Variants in ZEB2 observed in about 807,000 individuals in gnomAD.
ZEB2 encodes the protein zinc finger E-box binding homeobox 2.
In ZEB2, 6 loss-of-function variants were observed where a neutral mutation model predicts 99.9. The observed-to-expected ratio is 0.06, with a 90% CI of 0.03 to 0.12. The LOEUF is 0.12. ZEB2 is among the 10% of genes least tolerant of loss of function. ZEB2 has a pLI of 1.00. For synonymous variants in ZEB2, 517 were observed against 542.5 expected (o/e 0.95, Z 0.65); for missense variants, 969 against 1,502.8 (o/e 0.64, Z 5.87).
chr2:144,399,861 C>G lies in ZEB2; in HGVS notation c.1326G>C (p.Gly442=), dbSNP rs771057036. The change falls in exon 8 of 10, where the codon GGG becomes GGC. Residue 442 remains glycine, a synonymous_variant. Transcript: ENST00000627532. The surrounding 1 kb of genome is among the most constrained non-coding windows in gnomAD (Gnocchi z 5.6). ...GAAACCCAAGTAAAGGGGCTTCCATCCCTACACCTAAGTGCTGCATTGGAC... is the reference window on the plus strand; with the variant it reads ...GAAACCCAAGTAAAGGGGCTTCCATGCCTACACCTAAGTGCTGCATTGGAC... ...AQSPMQHLGV[G]MEAPLLGFPT... The G allele has an allele frequency of 3.1e-6, 5 of 1,614,220 alleles. No homozygotes were observed. In the South Asian group the frequency reaches 5.5e-5, roughly 18 times the overall value.
chr2:144,395,505 T>A (rs906760759), intron 9 of ZEB2, among the ~76,000 whole-genome samples: 1 of 151,894 alleles, frequency 6.6e-6, no homozygotes, highest in African/African-American at 2.4e-5. Context: ...GATCCTACAC[T>A]TTTTCCCCCC....
At chr2:144,512,168 A>C in intron 2 of ZEB2, 8 of 1,287,266 alleles carry the variant, frequency 6.2e-6, no homozygotes, top group Non-Finnish European at 8.1e-6. Context: ...ATTGTCTGTG[A>C]GCATTGCAAA....
chr2:144,494,384 C>T (rs1573799661), intron 2 of ZEB2: 1 of 152,120 alleles, frequency 6.6e-6, no homozygotes, highest in Non-Finnish European at 1.5e-5. Context: ...TGCTTATTAT[C>T]TGTATCTATT....
intron 2 of ZEB2, among the ~76,000 whole-genome samples, chr2:144,466,834 T>C (rs2149907295): frequency 6.6e-6 from 1 of 152,284 alleles, no homozygotes; most frequent in Non-Finnish European, 1.5e-5. Context: ...CCACATTACA[T>C]GAGTCCGAAA....
chr2:144,478,215 T>A (rs932720600), intron 2 of ZEB2, among the ~76,000 whole-genome samples: 1 of 152,196 alleles, frequency 6.6e-6, no homozygotes, highest in Non-Finnish European at 1.5e-5. Flanking sequence ...AGGGCCTAGG[T>A]AATTACTTGA....
intron 2 of ZEB2, chr2:144,450,431 A>T (rs1371239151): frequency 6.6e-6 from 1 of 152,222 alleles, no homozygotes; most frequent in Non-Finnish European, 1.5e-5. Flanking sequence ...CTTACATAAA[A>T]ATAAATTATC....
chr2:144,484,672 C>T (rs72992189), intron 2 of ZEB2, among the ~76,000 whole-genome samples: 27 of 152,278 alleles, frequency 1.8e-4, no homozygotes, highest in African/African-American at 6.3e-4. Context: ...TCCTTCCTGG[C>T]AACCTTCCTG....
rs1389651581 is a variant in ZEB2 at position 144,386,926 on chromosome 2, C to T, written c.*2525G>A. ...CATTTTGATGCCACTCCTCCCCCTG[C>T]CCCCCCCACCCCCTCTGCCAGAAAG... On this transcript the variant is annotated 3_prime_UTR_variant, in exon 10 of 10. Transcript: ENST00000627532. 3 of 126,808 alleles carry T rather than the reference C, an allele frequency of 2.4e-5. No homozygotes were observed. Among genetic ancestry groups the T allele is most frequent in the South Asian group, 3.1e-4 (1 of 3,186 alleles). 7.9% of individuals were successfully genotyped at this position (126,808 alleles called of 1,614,324 possible). A position where few individuals can be genotyped will look rare whatever the true frequency, so the allele number is the denominator to read the frequency against.
intron 2 of ZEB2, among the ~76,000 whole-genome samples, chr2:144,440,511 ATATATTTTTTTTTTTTT>A (rs1438350825): frequency 6.6e-4 from 20 of 30,256 alleles, no homozygotes; most frequent in East Asian, 2.0e-3. Context: ...ATATATATAT[ATATATTTTTTTTTTTTT>A]TTTTTTTTTT....
At chr2:144,517,098 C>T (rs950381487) in intron 2 of ZEB2, among the ~76,000 whole-genome samples, 180 bp downstream of exon 2, 27 of 150,516 alleles carry the variant, frequency 1.8e-4, no homozygotes, top group Admixed American at 7.9e-4. Context: ...TTCCCCAACA[C>T]CCCCCGGTCC....
chr2:144,406,664 G>A (rs749490917), intron 4 of ZEB2, among the ~76,000 whole-genome samples: 9 of 152,204 alleles, frequency 5.9e-5, no homozygotes, highest in East Asian at 1.9e-4. Flanking sequence ...GCCAGGCCAT[G>A]CAGCAGGTAA....
At chr2:144,466,891 G>C (rs143736416) in intron 2 of ZEB2, among the ~76,000 whole-genome samples, 1 of 152,240 alleles carries the variant, frequency 6.6e-6, no homozygotes, top group Admixed American at 6.5e-5. Context: ...ACCTGGCACC[G>C]ACAGGCACTG....
At chr2:144,447,135 C>T (rs1703996532) in intron 2 of ZEB2, among the ~76,000 whole-genome samples, 2 of 151,748 alleles carry the variant, frequency 1.3e-5, no homozygotes, top group African/African-American at 4.8e-5. Context: ...CTTTAAATGA[C>T]ATATTCTAAG....
rs1560625140 is a variant in ZEB2, at chr2:144,440,504, T to TAC, written c.74-10479_74-10478insGT. ...AAAGCAGTATATATATATATATATA[T>TAC]ATATATATATATTTTTTTTTTTTTT... On this transcript the variant is annotated intron_variant, in intron 2 of 9. Coordinates refer to ENST00000627532, the MANE Select transcript of ZEB2 (RefSeq NM_014795.4). 4.6e-3 allele frequency among the ~76,000 whole-genome samples: 46 copies of TAC among 9,962 alleles called. 1 individual carries two copies. Among genetic ancestry groups the TAC allele is most frequent in the African/African-American group, 0.011 (46 of 4,060 alleles). The allele number at this position is 9,962 out of a possible 152,430, so 6.5% of individuals were successfully genotyped here.
At chr2:144,470,610 C>T (rs941459593) in intron 2 of ZEB2, 3 of 152,154 alleles carry the variant, frequency 2.0e-5, no homozygotes, top group Non-Finnish European at 4.4e-5. Flanking sequence ...AAAAACACTA[C>T]ATGAATGATG....
Position 144,512,900 on chromosome 2 carries a change from T to A in ZEB2, c.73+4378A>T, listed in dbSNP as rs1039977560. ...CAGAACTGGTACCTGCCACACAACC[T>A]GCCCCAGTGCTTTGAAAGTCAGCAA... On this transcript the variant is annotated intron_variant, in intron 2 of 9. Transcript: ENST00000627532. 11 of 1,287,166 alleles carry A rather than the reference T, an allele frequency of 8.5e-6. No individual in the cohort carries two copies. In the East Asian group the frequency reaches 1.7e-4, roughly 19 times the overall value. The allele number at this position is 1,287,166 out of a possible 1,614,324, so 79.7% of individuals were successfully genotyped here.
chr2:144,494,470 T>A (rs959063216), intron 2 of ZEB2: 1 of 152,230 alleles, frequency 6.6e-6, no homozygotes, highest in Non-Finnish European at 1.5e-5. Context: ...AATGTTAAAT[T>A]GTTGTTCTCT....
intron 2 of ZEB2, among the ~76,000 whole-genome samples, chr2:144,467,935 G>A (rs1476740872): frequency 6.6e-6 from 1 of 152,132 alleles, no homozygotes; most frequent in Non-Finnish European, 1.5e-5. Context: ...TTTAACACAG[G>A]CTGAATGGTA....
intron 6 of ZEB2, among the ~76,000 whole-genome samples, chr2:144,402,982 T>TACATATCA (rs1703333349): frequency 6.6e-6 from 1 of 152,236 alleles, no homozygotes; most frequent in Non-Finnish European, 1.5e-5. Context: ...CCTAAGAATT[T>TACATATCA]TGAATACAAT....
Sources: allele counts gnomAD v4.1 joint callset (sites outside exome capture counted in the v4.1 genomes callset), GRCh38; gene constraint gnomAD v4.1.1; non-coding constraint Gnocchi (gnomAD v3.1); transcripts MANE v1.5; gene names NCBI Gene and HGNC (gene_info 2026-07-23, HGNC 2026-07-21).